GALNTL6: variants seen among roughly 807,000 people sequenced by gnomAD.
GALNTL6 encodes the protein polypeptide N-acetylgalactosaminyltransferase-like 6.
A neutral mutation model predicts 73.7 loss-of-function variants in GALNTL6; 46 were observed. The ratio of observed to expected loss-of-function variants is 0.62; its 90% CI spans 0.49 to 0.80. GALNTL6 has a LOEUF of 0.80. Among genes scored for constraint, GALNTL6 ranks in the 30% least tolerant of loss-of-function variants. GALNTL6 has a pLI of 0.00. For missense variants in GALNTL6, 604 were observed against 755.0 expected, an observed-to-expected ratio of 0.80 and a Z score of 2.34; for synonymous variants, 259 against 263.7, an observed-to-expected ratio of 0.98 and a Z score of 0.17.
At chr4:172,675,595 C>T (rs911282893) in intron 5 of GALNTL6, among the ~76,000 whole-genome samples, 2 of 152,144 alleles carry the variant, frequency 1.3e-5, no homozygotes, top group African/African-American at 4.8e-5. Flanking sequence ...ATTTAATAGA[C>T]CATGCAATTA....
intron 2 of GALNTL6, among the ~76,000 whole-genome samples, chr4:172,069,018 T>A (rs1486470224): frequency 9.1e-6 from 1 of 109,312 alleles, no homozygotes; most frequent in East Asian, 2.1e-4. Context: ...TTTGGTTTGG[T>A]TGTCATCCAC....
At chr4:172,743,529 G>A (rs1736918112) in intron 5 of GALNTL6, among the ~76,000 whole-genome samples, 1 of 151,976 alleles carries the variant, frequency 6.6e-6, no homozygotes, top group African/African-American at 2.4e-5. Flanking sequence ...CCAAGAAGAT[G>A]CCCTTTGAAT....
chr4:172,958,062 G>T (rs1172353283), intron 10 of GALNTL6, among the ~76,000 whole-genome samples: 2 of 152,228 alleles, frequency 1.3e-5, no homozygotes, highest in Admixed American at 6.5e-5. Flanking sequence ...CAGAAACAAT[G>T]GTAACTGTGG....
chr4:172,596,828 G>A (rs1737873128), intron 5 of GALNTL6, among the ~76,000 whole-genome samples: 1 of 152,028 alleles, frequency 6.6e-6, no homozygotes, highest in African/African-American at 2.4e-5. Context: ...AAAAGCAAAT[G>A]AATATATATA....
intron 5 of GALNTL6, among the ~76,000 whole-genome samples, chr4:172,584,442 A>G (rs1737325456): frequency 1.3e-5 from 2 of 152,242 alleles, no homozygotes; most frequent in African/African-American, 2.4e-5. Context: ...TCAGAGAGCT[A>G]ATAAAGTCAG....
chr4:172,266,980 G>A (rs988878412), intron 3 of GALNTL6, among the ~76,000 whole-genome samples: 1 of 152,094 alleles, frequency 6.6e-6, no homozygotes, highest in Admixed American at 6.6e-5. Context: ...AGAAGATGGG[G>A]TCCGGGGAAT....
intron 5 of GALNTL6, among the ~76,000 whole-genome samples, chr4:172,519,672 A>G (rs1302675103): frequency 1.3e-5 from 2 of 151,748 alleles, no homozygotes; most frequent in Non-Finnish European, 3.0e-5. Context: ...GTAATTTTTT[A>G]TAAGTACTGA....
intron 5 of GALNTL6, among the ~76,000 whole-genome samples, chr4:172,361,363 A>G (rs527629199): frequency 6.6e-6 from 1 of 151,188 alleles, no homozygotes; most frequent in Admixed American, 6.6e-5. Flanking sequence ...AGAAAATATT[A>G]TTTTCAAATT....
chr4:171,954,017 G>A (rs1022271740), intron 2 of GALNTL6, among the ~76,000 whole-genome samples: 2 of 152,154 alleles, frequency 1.3e-5, no homozygotes, highest in African/African-American at 4.8e-5. Flanking sequence ...TAAGGTTGAT[G>A]TGCAAACCTT....
intron 8 of GALNTL6, among the ~76,000 whole-genome samples, chr4:172,907,341 A>G (rs1746953789): frequency 6.6e-6 from 1 of 152,170 alleles, no homozygotes; most frequent in Admixed American, 6.5e-5. Flanking sequence ...ATTTATAAAT[A>G]CTCATACTGA....
chr4:172,679,358 C>G (rs1245967348), intron 5 of GALNTL6, among the ~76,000 whole-genome samples: 1 of 148,902 alleles, frequency 6.7e-6, no homozygotes, highest in Non-Finnish European at 1.5e-5. Context: ...TTGTAGTGAG[C>G]TGAGATTGCC....
intron 4 of GALNTL6, among the ~76,000 whole-genome samples, chr4:172,329,360 C>T (rs1240650769): frequency 6.6e-6 from 1 of 152,162 alleles, no homozygotes. Context: ...ATCAGGGAAC[C>T]ATGTTACAAA....
chr4:172,951,695 CTTTAG>C (rs1242693871), intron 9 of GALNTL6, among the ~76,000 whole-genome samples: 1 of 152,184 alleles, frequency 6.6e-6, no homozygotes, highest in Non-Finnish European at 1.5e-5. Context: ...GTTTCAACAC[CTTTAG>C]TTTAATGTAA....
intron 10 of GALNTL6, among the ~76,000 whole-genome samples, chr4:172,972,236 A>G (rs973120687): frequency 2.0e-4 from 30 of 152,212 alleles, no homozygotes; most frequent in Non-Finnish European, 1.5e-5. Context: ...CCAAGAATGA[A>G]TAAGTGGACC....
chr4:172,151,705 G>A (rs1261355353), intron 2 of GALNTL6, among the ~76,000 whole-genome samples: 1 of 151,908 alleles, frequency 6.6e-6, no homozygotes, highest in East Asian at 1.9e-4. Flanking sequence ...AATCACCTTG[G>A]GATCTTGTTA....
chr4:172,856,067 A>G (rs1744107448), intron 7 of GALNTL6, among the ~76,000 whole-genome samples: 2 of 152,220 alleles, frequency 1.3e-5, no homozygotes, highest in African/African-American at 4.8e-5. Context: ...TTCTAAAACA[A>G]TGCCAGCCAT....
chr4:172,116,316 AG>A (rs1295262753), intron 2 of GALNTL6, among the ~76,000 whole-genome samples: 1 of 152,202 alleles, frequency 6.6e-6, no homozygotes, highest in African/African-American at 2.4e-5. Flanking sequence ...TTAATATCAA[AG>A]AACATATTGC....
chr4:172,134,619 A>G (rs550644793), intron 2 of GALNTL6, among the ~76,000 whole-genome samples: 33 of 152,290 alleles, frequency 2.2e-4, no homozygotes, highest in African/African-American at 7.7e-4. Flanking sequence ...TGCAGATGAA[A>G]TATATGACAT....
intron 5 of GALNTL6, among the ~76,000 whole-genome samples, chr4:172,710,331 G>A (rs1312922857): frequency 6.6e-6 from 1 of 152,072 alleles, no homozygotes; most frequent in East Asian, 1.9e-4. Context: ...ACACACACAA[G>A]CATAAGGATT....
Sources: allele counts gnomAD v4.1 joint callset (sites outside exome capture counted in the v4.1 genomes callset), GRCh38; gene constraint gnomAD v4.1.1; transcripts MANE v1.5; gene names NCBI Gene and HGNC (gene_info 2026-07-23, HGNC 2026-07-21).